The following SLC24A4 variants were observed in gnomAD, a reference collection of about 807,000 sequenced individuals.
The protein encoded by SLC24A4 is solute carrier family 24 member 4.
In SLC24A4, 53 loss-of-function variants were observed where a neutral mutation model predicts 79.0. The observed-to-expected ratio is 0.67, with a 90% CI of 0.54 to 0.84. The LOEUF (loss-of-function observed/expected upper bound fraction) is 0.84, where lower values mean the gene tolerates loss of function less well. Ranked by LOEUF, SLC24A4 falls within the 40% of genes least tolerant of loss-of-function variation. The pLI is 0.00. For synonymous variants in SLC24A4, 323 were observed against 323.8 expected (o/e 1.00, Z 0.03); for missense variants, 731 against 822.0 (o/e 0.89, Z 1.35).
intron 6 of SLC24A4, 131 bp from the exon 7 acceptor site, chr14:92,443,268 CA>C: frequency 1.3e-6 from 1 of 789,920 alleles, no homozygotes; most frequent in South Asian, 1.5e-5. Context: ...TAACAAAGAA[CA>C]AGCGTGGCCT....
At chr14:92,329,516 CTG>C (rs1382103584) in intron 2 of SLC24A4, among the ~76,000 whole-genome samples, 1 of 152,074 alleles carries the variant, frequency 6.6e-6, no homozygotes, top group African/African-American at 2.4e-5. Flanking sequence ...CTTTATTACT[CTG>C]TGTTTTTTGT....
At chr14:92,435,948 C>A (rs1268628822) in intron 3 of SLC24A4, among the ~76,000 whole-genome samples, 3 of 152,194 alleles carry the variant, frequency 2.0e-5, no homozygotes. Flanking sequence ...AATCAAACCT[C>A]AGGTTTCTGC....
At chr14:92,381,609 T>TA (rs1177596373) in intron 2 of SLC24A4, among the ~76,000 whole-genome samples, 1 of 151,698 alleles carries the variant, frequency 6.6e-6, no homozygotes, top group African/African-American at 2.4e-5. Context: ...AAGTACAATT[T>TA]AAAAAAAAAT....
chr14:92,358,220 A>G (rs1887289073), intron 2 of SLC24A4, among the ~76,000 whole-genome samples: 1 of 151,908 alleles, frequency 6.6e-6, no homozygotes, highest in African/African-American at 2.4e-5. Context: ...GGCTGTTCAG[A>G]TAGGCCAGTT....
chr14:92,445,344 T>C lies in SLC24A4; in HGVS notation c.683+2T>C. On this transcript the variant is annotated splice_donor_variant, in intron 8 of 16. Transcript: ENST00000532405. LOFTEE classifies it high-confidence loss of function. ...CATATATGATGAACAAATTGTGTGG[T>C]AAGTTTTTCAAGTGTAGTTTTCATT... 1 of 1,614,096 alleles carries C rather than the reference T, an allele frequency of 6.2e-7. No individual in the cohort carries two copies. The highest frequency in any genetic ancestry group is 2.2e-5 in the East Asian group (1 of 44,894).
At position 92,493,353 on chromosome 14, in the gene SLC24A4, G is replaced by T. The variant is rs757645548; in HGVS notation, c.1717-123G>T. The T allele has an allele frequency of 3.3e-6, 4 of 1,207,030 alleles. No homozygotes were observed. In the Admixed American group the frequency reaches 9.0e-5, roughly 27 times the overall value. The allele number at this position is 1,207,030 out of a possible 1,614,324, so 74.8% of individuals were successfully genotyped here. A position where few individuals can be genotyped will look rare whatever the true frequency, so the allele number is the denominator to read the frequency against. On this transcript the variant is annotated intron_variant, in intron 16 of 16. Coordinates refer to ENST00000532405, the MANE Select transcript of SLC24A4 (RefSeq NM_153646.4). Reference sequence around the variant, plus strand: ...ACTGAGGATCAGACTGCAGCACCCCGCTACACTTGCCCACATTCTGCAGAA... The same window carrying T: ...ACTGAGGATCAGACTGCAGCACCCCTCTACACTTGCCCACATTCTGCAGAA...
intron 10 of SLC24A4, 86 bp from the exon 11 acceptor site, chr14:92,453,814 C>T: frequency 1.4e-6 from 2 of 1,446,812 alleles, no homozygotes; most frequent in South Asian, 3.0e-5. Flanking sequence ...TAGGGCAGCT[C>T]ACAAGGTGAG....
At chr14:92,439,239 C>T in intron 3 of SLC24A4, 96 bp from the exon 4 acceptor site, 3 of 991,372 alleles carry the variant, frequency 3.0e-6, no homozygotes, top group Non-Finnish European at 4.8e-6. Flanking sequence ...GTCCGCCTGG[C>T]CTCTGCCCTG....
chr14:92,375,642 G>T (rs1007641798), intron 2 of SLC24A4, among the ~76,000 whole-genome samples: 1 of 152,224 alleles, frequency 6.6e-6, no homozygotes, highest in East Asian at 1.9e-4. Context: ...AGGAAGTACT[G>T]CTACATGCCA....
intron 12 of SLC24A4, among the ~76,000 whole-genome samples, chr14:92,477,120 AGCAG>A (rs1227145573): frequency 2.6e-5 from 4 of 152,234 alleles, no homozygotes; most frequent in Admixed American, 2.6e-4. Flanking sequence ...TGTTTTCCAA[AGCAG>A]GTGTACCACT....
chr14:92,466,265 G>A (rs538351243), intron 12 of SLC24A4, among the ~76,000 whole-genome samples: 1 of 152,322 alleles, frequency 6.6e-6, no homozygotes, highest in East Asian at 1.9e-4. Flanking sequence ...GCAGTAGCTG[G>A]AATTAGAGTG....
intron 13 of SLC24A4, chr14:92,484,612 C>G: frequency 2.0e-6 from 2 of 985,380 alleles, no homozygotes; most frequent in Non-Finnish European, 2.4e-6. Flanking sequence ...CCTCCAGGAC[C>G]CCAGCATCTG....
intron 2 of SLC24A4, among the ~76,000 whole-genome samples, chr14:92,403,399 A>G (rs1890211870): frequency 6.6e-6 from 1 of 151,774 alleles, no homozygotes; most frequent in African/African-American, 2.4e-5. Flanking sequence ...CGAGGTCAGA[A>G]GATTGAGACC....
chr14:92,430,956 A>G (rs922886855), intron 2 of SLC24A4, among the ~76,000 whole-genome samples: 3 of 152,240 alleles, frequency 2.0e-5, no homozygotes, highest in Admixed American at 6.5e-5. Context: ...ACACGCAAGC[A>G]TCCCGCCCTT....
At chr14:92,448,405 T>C (rs112438855) in intron 9 of SLC24A4, among the ~76,000 whole-genome samples, 12 of 132,878 alleles carry the variant, frequency 9.0e-5, no homozygotes, top group African/African-American at 3.5e-4. Flanking sequence ...AGCTGAGCCA[T>C]GTTCAGGTTC....
At chr14:92,333,641 G>A (rs1440965960) in intron 2 of SLC24A4, among the ~76,000 whole-genome samples, 3 of 152,192 alleles carry the variant, frequency 2.0e-5, no homozygotes, top group African/African-American at 4.8e-5. Context: ...TGGGAGAAGC[G>A]GGCTGATGCA....
intron 2 of SLC24A4, among the ~76,000 whole-genome samples, chr14:92,360,797 C>T (rs1887464727): frequency 6.6e-6 from 1 of 152,200 alleles, no homozygotes; most frequent in Non-Finnish European, 1.5e-5. Flanking sequence ...CAAACTCGGT[C>T]CCTGGATCTG....
intron 12 of SLC24A4, among the ~76,000 whole-genome samples, chr14:92,474,843 G>GTGTGTGTGTGTATATATATA (rs779007741): frequency 4.2e-4 from 10 of 23,882 alleles, no homozygotes; most frequent in Admixed American, 1.2e-3. Flanking sequence ...GTGTGTGTGT[G>GTGTGTGTGTGTATATATATA]TATATATATA....
At chr14:92,473,585 G>A (rs1475749253) in intron 12 of SLC24A4, among the ~76,000 whole-genome samples, 1 of 152,190 alleles carries the variant, frequency 6.6e-6, no homozygotes, top group Non-Finnish European at 1.5e-5. Context: ...AGCAGGAAAG[G>A]GGACTTTATG....
Sources: allele counts gnomAD v4.1 joint callset (sites outside exome capture counted in the v4.1 genomes callset), GRCh38; gene constraint gnomAD v4.1.1; transcripts MANE v1.5; gene names NCBI Gene and HGNC (gene_info 2026-07-23, HGNC 2026-07-21).